Variants in CD58 observed in about 807,000 individuals in gnomAD.
CD58 encodes the protein lymphocyte function-associated antigen 3.
Under a neutral mutation model 27.6 loss-of-function variants are expected in CD58, and 14 were observed. The observed-to-expected ratio is 0.51, with a 90% CI of 0.34 to 0.79. The LOEUF (loss-of-function observed/expected upper bound fraction) is 0.79, where lower values mean the gene tolerates loss of function less well. Among genes scored for constraint, CD58 ranks in the 30% least tolerant of loss-of-function variants. CD58 has a pLI of 0.02. For synonymous variants in CD58, 117 were observed against 103.8 expected, an observed-to-expected ratio of 1.13 and a Z score of -0.77; for missense variants, 268 against 301.7, an observed-to-expected ratio of 0.89 and a Z score of 0.83.
intron 1 of CD58, among the ~76,000 whole-genome samples, chr1:116,547,191 G>C (rs548712949): frequency 1.7e-3 from 254 of 150,968 alleles, no homozygotes; most frequent in African/African-American, 6.0e-3. Context: ...AAAGTTCACT[G>C]TATCATTCTT....
chr1:116,570,941 A>G lies in CD58; in HGVS notation c.32T>C (p.Leu11Pro). Reference protein sequence around the residue: MVAGSDAGRALGVLSVVCLLH... With the variant: MVAGSDAGRAPGVLSVVCLLH... Reference sequence around the variant, plus strand: ...CAGGCAGACCACGCTGAGGACCCCCAGGGCCCGCCCCGCGTCGCTCCCAGC... The same window carrying G: ...CAGGCAGACCACGCTGAGGACCCCCGGGGCCCGCCCCGCGTCGCTCCCAGC... Residue 11 changes from leucine (L) to proline (P), a missense_variant, in exon 1 of 6, where the codon CTG becomes CCG. Transcript: ENST00000369489. The surrounding 1 kb of genome is among the most constrained non-coding windows in gnomAD (Gnocchi z 6.4). The G allele has an allele frequency of 1.3e-6, 2 of 1,567,752 alleles. No individual in the cohort carries two copies. The highest frequency in any genetic ancestry group is 1.4e-5 in the African/African-American group (1 of 73,858).
In CD58 at chr1:116,539,508, A is replaced by AAAAAG. The variant is rs150111915; in HGVS notation, c.365-3285_365-3281dup. On this transcript the variant is annotated intron_variant, in intron 2 of 5. Coordinates refer to ENST00000369489, the MANE Select transcript of CD58 (RefSeq NM_001779.3). ...CTGAGTGCCACATGCAGGGTTTGTAAAAAAGAAAAGAAAAGAAAAGAAAAG... is the reference window on the plus strand; with the variant it reads ...CTGAGTGCCACATGCAGGGTTTGTAAAAAAGAAAAGAAAAGAAAAGAAAAGAAAAG... Among the ~76,000 whole-genome samples, 80 of 152,302 alleles carry AAAAAG rather than the reference A, an allele frequency of 5.3e-4. 1 individual carries two copies. The highest frequency in any genetic ancestry group is 2.1e-3 in the East Asian group (11 of 5,186).
rs1322235954 is a variant in CD58, at chr1:116,528,723, C to T, written c.629-6740G>A. Among the ~76,000 whole-genome samples, 1 of 152,168 alleles carries T rather than the reference C, an allele frequency of 6.6e-6. No individual in the cohort carries two copies. Among genetic ancestry groups the T allele is most frequent in the Non-Finnish European group, 1.5e-5 (1 of 68,040 alleles). On this transcript the variant is annotated intron_variant, in intron 3 of 5. Transcript: ENST00000369489. This position sits in a 1 kb window ranked among gnomAD's most constrained non-coding sequence, Gnocchi z 4.4. ...GGTGAAGTGCACTGGGTTTCTTTAC[C>T]TGGAAATAGCCTTTGACTCTCAAAG...
Position 116,532,970 on chromosome 1 carries a change from T to A in CD58, c.628+2995A>T. 1 of 971,228 alleles carries A rather than the reference T, an allele frequency of 1.0e-6. No homozygotes were observed. The highest frequency in any genetic ancestry group is 1.6e-6 in the Non-Finnish European group (1 of 634,672). 60.2% of individuals were successfully genotyped at this position (971,228 alleles called of 1,614,324 possible). A position where few individuals can be genotyped will look rare whatever the true frequency, so the allele number is the denominator to read the frequency against. ...CTTGCATTCCGCCGGCTGGCTGGGT[T>A]CCTTGTTGGGATTAATTTCCACCTC... On this transcript the variant is annotated intron_variant, in intron 3 of 5. Coordinates refer to ENST00000369489, the MANE Select transcript of CD58 (RefSeq NM_001779.3). The surrounding 1 kb of genome is among the most constrained non-coding windows in gnomAD (Gnocchi z 5.1).
At chr1:116,540,447 C>A (rs1019378555) in intron 2 of CD58, among the ~76,000 whole-genome samples, 3 of 152,094 alleles carry the variant, frequency 2.0e-5, no homozygotes, top group Non-Finnish European at 4.4e-5. Flanking sequence ...CTACATCTTG[C>A]AGACTCTTTC....
chr1:116,545,498 GAA>G (rs547163691), intron 1 of CD58, among the ~76,000 whole-genome samples: 41 of 152,176 alleles, frequency 2.7e-4, no homozygotes, highest in Non-Finnish European at 5.3e-4. Flanking sequence ...GCTGGAGAGA[GAA>G]GTCAACAGGA....
Position 116,534,559 on chromosome 1 carries a change from C to T in CD58, c.628+1406G>A, listed in dbSNP as rs936277976. Among the ~76,000 whole-genome samples, 1 of 152,192 alleles carries T rather than the reference C, an allele frequency of 6.6e-6. No homozygotes were observed. The highest frequency in any genetic ancestry group is 1.5e-5 in the Non-Finnish European group (1 of 68,024). On this transcript the variant is annotated intron_variant, in intron 3 of 5. Coordinates refer to ENST00000369489, the MANE Select transcript of CD58 (RefSeq NM_001779.3). The surrounding 1 kb of genome is among the most constrained non-coding windows in gnomAD (Gnocchi z 5.3). The stretch of plus-strand genomic sequence containing the variant: ...AAGCCGCCCGCAGCGCAGAACAAAG[C>T]GACTTGACCTTCAGGGCAGTGGGCG...
chr1:116,537,629 T>C (rs1045214843), intron 2 of CD58, among the ~76,000 whole-genome samples: 3 of 152,228 alleles, frequency 2.0e-5, no homozygotes, highest in African/African-American at 7.2e-5. Context: ...TAAGGCAGCA[T>C]GGACCTACAA....
chr1:116,562,098 T>C (rs1049897497), intron 1 of CD58, among the ~76,000 whole-genome samples: 9 of 152,280 alleles, frequency 5.9e-5, no homozygotes, highest in African/African-American at 2.2e-4. Context: ...TGAGATAATT[T>C]CAAATGGAGA....
At position 116,541,692 on chromosome 1, in the gene CD58, T is replaced by C. The variant is rs1657994022; in HGVS notation, c.364+2619A>G. On this transcript the variant is annotated intron_variant, in intron 2 of 5. Transcript: ENST00000369489. The surrounding 1 kb of genome is among the most constrained non-coding windows in gnomAD (Gnocchi z 5.3). ...GAAGATAATGAGCTTACTTTTGGAC[T>C]TGTGATATTTGAAAGGCCAATTAGA... Among the ~76,000 whole-genome samples, 2 of 152,178 alleles carry C rather than the reference T, an allele frequency of 1.3e-5. No individual in the cohort carries two copies. The highest frequency in any genetic ancestry group is 4.1e-4 in the South Asian group (2 of 4,830).
intron 3 of CD58, chr1:116,533,250 A>C: frequency 1.1e-6 from 1 of 920,938 alleles, no homozygotes; most frequent in Non-Finnish European, 1.8e-6. Flanking sequence ...TTGTTTGGTA[A>C]TTGTTCTAAC....
rs1657183276 is a variant in CD58, at chr1:116,519,069, T to C, written c.743+162A>G. 2.1e-6 allele frequency: 3 copies of C among 1,417,376 alleles called. No homozygotes were observed. The highest frequency in any genetic ancestry group is 2.8e-6 in the Non-Finnish European group (3 of 1,068,548). 87.8% of individuals were successfully genotyped at this position (1,417,376 alleles called of 1,614,324 possible). ...GGCTAGTGCAGTGCATGGCACACAG[T>C]TGGTACTTAATACACTATGGTTAGT... On this transcript the variant is annotated intron_variant, in intron 5 of 5. Transcript: ENST00000369489. This position sits in a 1 kb window ranked among gnomAD's most constrained non-coding sequence, Gnocchi z 4.7.
At chr1:116,566,959 CA>C (rs1658956725) in intron 1 of CD58, among the ~76,000 whole-genome samples, 1 of 146,652 alleles carries the variant, frequency 6.8e-6, no homozygotes, top group South Asian at 2.2e-4. Flanking sequence ...GGCAACATGG[CA>C]AAACCCCGTC....
chr1:116,537,177 C>G (rs1033660064), intron 2 of CD58, among the ~76,000 whole-genome samples: 18 of 152,188 alleles, frequency 1.2e-4, no homozygotes, highest in African/African-American at 4.1e-4. Context: ...GAATCTGAAG[C>G]TACAGTGAGT....
chr1:116,536,035 C>A lies in CD58; in HGVS notation c.558G>T (p.Gln186His), dbSNP rs1657794980. 1 of 1,612,528 alleles carries A rather than the reference C, an allele frequency of 6.2e-7. No individual in the cohort carries two copies. The highest frequency in any genetic ancestry group is 8.5e-7 in the Non-Finnish European group (1 of 1,179,002). The change falls in exon 3 of 6, where the codon CAG becomes CAT. Residue 186 changes from glutamine (Q) to histidine (H), a missense_variant. By Grantham distance (24) the Gln-to-His change is conservative. Coordinates refer to ENST00000369489, the MANE Select transcript of CD58 (RefSeq NM_001779.3). The surrounding 1 kb of genome is among the most constrained non-coding windows in gnomAD (Gnocchi z 5.4). ...TAAATAATGGATTGCTAAGAGTACA[C>A]TGTATTTTTTGTGGAAGATCATTTT... ...KMENDLPQKIQCTLSNPLFNT... is the reference protein window; with the variant it reads ...KMENDLPQKIHCTLSNPLFNT...
At chr1:116,548,584 A>C (rs1426228254) in intron 1 of CD58, among the ~76,000 whole-genome samples, 1 of 152,204 alleles carries the variant, frequency 6.6e-6, no homozygotes, top group Non-Finnish European at 1.5e-5. Flanking sequence ...CAATGCATAT[A>C]ACATAGAAAA....
rs539567419 is a variant in CD58, at chr1:116,552,729, A to C, written c.71-8125T>G. ...GGGAACCATAATTAATCTGCCATCC[A>C]CCACTGATGAACACTCCTTTTGTGG... On this transcript the variant is annotated intron_variant, in intron 1 of 5. Coordinates refer to ENST00000369489, the MANE Select transcript of CD58 (RefSeq NM_001779.3). This position sits in a 1 kb window ranked among gnomAD's most constrained non-coding sequence, Gnocchi z 4.5. 1.4e-4 allele frequency among the ~76,000 whole-genome samples: 21 copies of C among 152,174 alleles called. No individual in the cohort carries two copies. The highest frequency in any genetic ancestry group is 2.5e-4 in the Non-Finnish European group (17 of 68,026).
At position 116,532,948 on chromosome 1, in the gene CD58, G is replaced by T; in HGVS notation, c.628+3017C>A. 1 of 1,071,994 alleles carries T rather than the reference G, an allele frequency of 9.3e-7. No homozygotes were observed. Among genetic ancestry groups the T allele is most frequent in the Non-Finnish European group, 1.4e-6 (1 of 730,186 alleles). 66.4% of individuals were successfully genotyped at this position (1,071,994 alleles called of 1,614,324 possible). A position where few individuals can be genotyped will look rare whatever the true frequency, so the allele number is the denominator to read the frequency against. On this transcript the variant is annotated intron_variant, in intron 3 of 5. Transcript: ENST00000369489. This position sits in a 1 kb window ranked among gnomAD's most constrained non-coding sequence, Gnocchi z 5.1. ...CCACCTCCACTTCCTACTGCTGCTT[G>T]CATTCCGCCGGCTGGCTGGGTTCCT...
Position 116,570,978 on chromosome 1 carries a change from G to A in CD58, c.-6C>T. 6.5e-7 allele frequency: 1 copy of A among 1,544,544 alleles called. No individual in the cohort carries two copies. Among genetic ancestry groups the A allele is most frequent in the South Asian group, 1.2e-5 (1 of 84,436 alleles). ...GCGTCGCTCCCAGCAACCATGGCTC[G>A]TCGGGCCGGCCTCTGCGCGAGTGCC... On this transcript the variant is annotated 5_prime_UTR_variant, in exon 1 of 6. It adds an upstream start codon to the 5' untranslated region. Coordinates refer to ENST00000369489, the MANE Select transcript of CD58 (RefSeq NM_001779.3). This position sits in a 1 kb window ranked among gnomAD's most constrained non-coding sequence, Gnocchi z 6.4.
Sources: allele counts gnomAD v4.1 joint callset (sites outside exome capture counted in the v4.1 genomes callset), GRCh38; gene constraint gnomAD v4.1.1; non-coding constraint Gnocchi (gnomAD v3.1); transcripts MANE v1.5; gene names NCBI Gene and HGNC (gene_info 2026-07-23, HGNC 2026-07-21).